SYNJ1: variants seen among roughly 807,000 people sequenced by gnomAD.
SYNJ1 encodes polyphosphatidylinositol phosphatase SYNJ1.
A neutral mutation model predicts 168.2 loss-of-function variants in SYNJ1; 78 were observed. The observed-to-expected ratio is 0.46, with a 90% confidence interval of 0.39 to 0.56. SYNJ1 has a LOEUF of 0.56. SYNJ1 is among the 20% of genes least tolerant of loss of function. SYNJ1 has a pLI of 0.00. For missense variants in SYNJ1, 1,303 were observed against 1,597.6 expected, an observed-to-expected ratio of 0.82 and a Z score of 3.14; for synonymous variants, 539 against 548.6, an observed-to-expected ratio of 0.98 and a Z score of 0.24.
At chr21:32,650,502 A>C (rs2040236048) in intron 22 of SYNJ1, among the ~76,000 whole-genome samples, 156 bp from the exon 23 acceptor site, 1 of 152,206 alleles carries the variant, frequency 6.6e-6, no homozygotes, top group Non-Finnish European at 1.5e-5. Flanking sequence ...ACATATACTA[A>C]ATTTCAAACT....
At chr21:32,722,247 G>A (rs2043272482) in intron 2 of SYNJ1, among the ~76,000 whole-genome samples, 1 of 142,122 alleles carries the variant, frequency 7.0e-6, no homozygotes, top group Non-Finnish European at 1.5e-5. Context: ...ATGCATGTAT[G>A]TATATGAAAT....
rs151308265 is a variant in SYNJ1, at chr21:32,720,333, C to G, written c.124+6439G>C. On this transcript the variant is annotated intron_variant, in intron 2 of 32. Transcript: ENST00000674351. ...AAAAACCTCTGGCTTAATGTTGTGA[C>G]TGGCAGAATAAGCTTCCAGTAAGTG... 8.1e-3 allele frequency among the ~76,000 whole-genome samples: 1,234 copies of G among 152,304 alleles called. 9 individuals carry two copies. Among genetic ancestry groups the G allele is most frequent in the Non-Finnish European group, 0.011 (772 of 68,016 alleles).
intron 18 of SYNJ1, among the ~76,000 whole-genome samples, chr21:32,660,552 A>G (rs561801178): frequency 2.8e-4 from 42 of 152,358 alleles, no homozygotes; most frequent in African/African-American, 9.9e-4. Flanking sequence ...ACTGGGAGTT[A>G]TACATGGACG....
chr21:32,655,606 T>C (rs2040425669), intron 21 of SYNJ1, among the ~76,000 whole-genome samples: 1 of 152,130 alleles, frequency 6.6e-6, no homozygotes, highest in Non-Finnish European at 1.5e-5. Context: ...TGACTTTCCC[T>C]ACTAGATTAC....
chr21:32,685,050 C>T (rs1487298027), intron 9 of SYNJ1, among the ~76,000 whole-genome samples: 22 of 151,444 alleles, frequency 1.5e-4, no homozygotes, highest in African/African-American at 4.4e-4. Flanking sequence ...GGAGTGGTGG[C>T]GGGCGCTTGT....
intron 2 of SYNJ1, among the ~76,000 whole-genome samples, chr21:32,712,572 C>T (rs529264750): frequency 6.8e-4 from 104 of 151,850 alleles, no homozygotes; most frequent in African/African-American, 2.4e-3. Flanking sequence ...CTTTCATTCA[C>T]GCAAGAAGTA....
At chr21:32,659,972 G>A (rs1447271017) in intron 18 of SYNJ1, among the ~76,000 whole-genome samples, 4 of 152,206 alleles carry the variant, frequency 2.6e-5, no homozygotes, top group Non-Finnish European at 5.9e-5. Context: ...CTTCCGGGTA[G>A]GTAATTGCCC....
chr21:32,723,370 A>T (rs762564766), intron 2 of SYNJ1, among the ~76,000 whole-genome samples: 1 of 152,228 alleles, frequency 6.6e-6, no homozygotes, highest in Non-Finnish European at 1.5e-5. Flanking sequence ...TTTAAAATTT[A>T]CTTTTTAAAG....
intron 4 of SYNJ1, among the ~76,000 whole-genome samples, chr21:32,695,896 G>C (rs2042194058): frequency 6.6e-6 from 1 of 151,590 alleles, no homozygotes; most frequent in Non-Finnish European, 1.5e-5. Flanking sequence ...GCCCAGGTTG[G>C]AGTGCAGTGG....
chr21:32,645,657 G>A lies in SYNJ1; in HGVS notation c.3380C>T (p.Pro1127Leu). Residue 1127 changes from proline to leucine, a missense_variant, in exon 25 of 33, where the codon CCT becomes CTT. Pro to Leu is a moderately conservative substitution (Grantham distance 98, BLOSUM62 -3). Coordinates refer to ENST00000674351, the MANE Select transcript of SYNJ1 (RefSeq NM_203446.3). ...TAAAAGGTTGTCACCTGAAGGCGGA[G>A]GAGGTCTCTGTGGGGGAGCCGGGCG... ...PTRPAPPQRPPPPSGARSPAP... is the reference protein window; with the variant it reads ...PTRPAPPQRPLPPSGARSPAP... 2.0e-6 allele frequency: 3 copies of A among 1,531,702 alleles called. 1 individual carries two copies. Among genetic ancestry groups the A allele is most frequent in the Non-Finnish European group, 2.6e-6 (3 of 1,145,826 alleles). 94.9% of individuals were successfully genotyped at this position (1,531,702 alleles called of 1,614,324 possible).
At chr21:32,707,471 G>A (rs147199259) in intron 2 of SYNJ1, among the ~76,000 whole-genome samples, 1 of 151,626 alleles carries the variant, frequency 6.6e-6, no homozygotes, top group Non-Finnish European at 1.5e-5. Flanking sequence ...GTAGTATTAG[G>A]ACTACAGGTA....
At chr21:32,635,786 C>T (rs2039540077) in intron 31 of SYNJ1, among the ~76,000 whole-genome samples, 1 of 152,020 alleles carries the variant, frequency 6.6e-6, no homozygotes, top group Non-Finnish European at 1.5e-5. Context: ...TAATTTACTT[C>T]ATAATGTATT....
At chr21:32,667,840 C>T (rs907598720) in intron 15 of SYNJ1, among the ~76,000 whole-genome samples, 4 of 151,982 alleles carry the variant, frequency 2.6e-5, no homozygotes, top group African/African-American at 9.7e-5. Flanking sequence ...GTATAATTTA[C>T]TTATTGTTGT....
At chr21:32,713,709 T>G (rs1467108331) in intron 2 of SYNJ1, among the ~76,000 whole-genome samples, 1 of 151,630 alleles carries the variant, frequency 6.6e-6, no homozygotes, top group Non-Finnish European at 1.5e-5. Flanking sequence ...TTCCCATATA[T>G]CAACATGGAT....
chr21:32,630,129 A>ATTAT lies in SYNJ1; in HGVS notation c.*1675_*1676insATAA, dbSNP rs2039266849. 6.6e-6 allele frequency: 1 copy of ATTAT among 152,346 alleles called. No homozygotes were observed. Among genetic ancestry groups the ATTAT allele is most frequent in the African/African-American group, 2.4e-5 (1 of 41,580 alleles). 9.4% of individuals were successfully genotyped at this position (152,346 alleles called of 1,614,324 possible). ...GTGGTATGTGCCTTCCCTGCATATA[A>ATTAT]GGCCATAGTGCTTTTTTGGGAGCGC... is the stretch of plus-strand genomic sequence containing the variant. On this transcript the variant is annotated 3_prime_UTR_variant, in exon 33 of 33. Coordinates refer to ENST00000674351, the MANE Select transcript of SYNJ1 (RefSeq NM_203446.3).
chr21:32,639,160 T>C (rs1462199712), intron 30 of SYNJ1, 35 bp from the exon 31 acceptor site: 8 of 1,563,882 alleles, frequency 5.1e-6, no homozygotes, highest in Non-Finnish European at 6.1e-6. Flanking sequence ...GTTAGGTATA[T>C]TCTAGAAAAC....
At chr21:32,721,696 A>T in intron 2 of SYNJ1, among the ~76,000 whole-genome samples, 1 of 152,236 alleles carries the variant, frequency 6.6e-6, no homozygotes, top group Non-Finnish European at 1.5e-5. Context: ...AAAAAAAAGT[A>T]ATTTTGAAAC....
Position 32,656,795 on chromosome 21 carries a change from A to G in SYNJ1, c.2687T>C (p.Val896Ala). The part of the protein sequence containing the change: ...IAVQGPPDGT[V>A]LVSIKSSLPE... ...TAAAGAACTTTTGATTGAGACCAAT[A>G]CTGTACCATCTGGTGGACCCTGAAC... Residue 896 changes from valine (V) to alanine (A), a missense_variant, in exon 21 of 33, where the codon GTA becomes GCA. Physicochemically the swap from Val to Ala is moderately conservative, Grantham distance 64 (BLOSUM62 0). Around this residue, in one of 2 missense-constraint regions of SYNJ1, gnomAD observed 920 missense variants for 1,208.8 expected, o/e 0.76. Transcript: ENST00000674351. 6.2e-7 allele frequency: 1 copy of G among 1,614,158 alleles called. No homozygotes were observed. Among genetic ancestry groups the G allele is most frequent in the Non-Finnish European group, 8.5e-7 (1 of 1,180,008 alleles).
rs572664039 is a variant in SYNJ1, at chr21:32,679,247, T to C, written c.1354-446A>G. 2.6e-5 allele frequency among the ~76,000 whole-genome samples: 4 copies of C among 152,152 alleles called. No individual in the cohort carries two copies. In the East Asian group the frequency reaches 7.7e-4, roughly 29 times the overall value. Reference sequence around the variant, plus strand: ...CTAGAAAAACTTCAAATTACTTTGGTAGTAGAAAAAGAAAATGGAAATTGC... The same window carrying C: ...CTAGAAAAACTTCAAATTACTTTGGCAGTAGAAAAAGAAAATGGAAATTGC... On this transcript the variant is annotated intron_variant, in intron 11 of 32. Coordinates refer to ENST00000674351, the MANE Select transcript of SYNJ1 (RefSeq NM_203446.3).
Sources: gnomAD v4.1 joint callset for allele counts (sites outside exome capture counted in the v4.1 genomes callset) on GRCh38, gnomAD v4.1.1 for gene constraint, gnomAD v4.1.1 regional missense constraint, MANE v1.5 for transcripts, NCBI Gene and HGNC (gene_info 2026-07-23, HGNC 2026-07-21) for gene names.